SCN8A: variants seen among roughly 807,000 people sequenced by gnomAD.
SCN8A encodes sodium channel protein type 8 subunit alpha.
SCN8A carries 30 observed loss-of-function variants against 184.1 expected under a neutral mutation model. The ratio of observed to expected loss-of-function variants is 0.16; its 90% CI spans 0.12 to 0.22. The LOEUF (loss-of-function observed/expected upper bound fraction) is 0.22, where lower values mean the gene tolerates loss of function less well. Ranked by LOEUF, SCN8A falls within the 10% of genes least tolerant of loss-of-function variation. The pLI is 1.00. For missense variants in SCN8A, 1,057 were observed against 2,498.9 expected, an observed-to-expected ratio of 0.42 and a Z score of 12.30; for synonymous variants, 852 against 907.0, an observed-to-expected ratio of 0.94 and a Z score of 1.09.
chr12:51,628,738 T>C (rs1367332453), intron 1 of SCN8A, among the ~76,000 whole-genome samples: 3 of 152,158 alleles, frequency 2.0e-5, no homozygotes, highest in Admixed American at 6.6e-5. Flanking sequence ...AATAAAGATA[T>C]CTTTCTTATT....
chr12:51,594,638 A>G (rs565438091), intron 1 of SCN8A, among the ~76,000 whole-genome samples: 4 of 152,240 alleles, frequency 2.6e-5, no homozygotes, highest in Admixed American at 6.5e-5. Context: ...GAGTGAGATC[A>G]GTTACCATAA....
chr12:51,662,943 C>T lies in SCN8A; in HGVS notation c.126C>T (p.Gly42=). The T allele has an allele frequency of 6.2e-7, 1 of 1,614,026 alleles. No homozygotes were observed. Among genetic ancestry groups the T allele is most frequent in the South Asian group, 1.1e-5 (1 of 91,080 alleles). Residue 42 remains glycine, a synonymous_variant, in exon 2 of 27, where the codon GGC becomes GGT. Coordinates refer to ENST00000627620, the MANE Select transcript of SCN8A (RefSeq NM_001330260.2). ...TCAAGAAACCACCAAAGGCCGATGG[C>T]AGTCATCGGGAGGACGATGAGGACA... ...SKLKKPPKAD[G]SHREDDEDSK...
At chr12:51,712,700 C>T in intron 11 of SCN8A, 1 of 922,838 alleles carries the variant, frequency 1.1e-6, no homozygotes, top group Non-Finnish European at 1.8e-6. Flanking sequence ...ACCATATCCA[C>T]CACACCACCT....
Position 51,794,499 on chromosome 12 carries a change from G to C in SCN8A, c.4653G>C (p.Glu1551Asp). 1 of 1,614,036 alleles carries C rather than the reference G, an allele frequency of 6.2e-7. No homozygotes were observed. The highest frequency in any genetic ancestry group is 8.5e-7 in the Non-Finnish European group (1 of 1,179,900). Residue 1551 changes from glutamate (E) to aspartate (D), a missense_variant, in exon 26 of 27, where the codon GAG (glutamate) becomes GAC (aspartate). Glu to Asp is a conservative substitution (Grantham distance 45). Around this residue, in one of 19 missense-constraint regions of SCN8A, gnomAD observed 34 missense variants for 64.0 expected, o/e 0.53. Coordinates refer to ENST00000627620, the MANE Select transcript of SCN8A (RefSeq NM_001330260.2). ...CAGACACTCAAAGCAAGCAGATGGAGAACATCCTCTACTGGATTAACCTGG... is the reference window on the plus strand; with the variant it reads ...CAGACACTCAAAGCAAGCAGATGGACAACATCCTCTACTGGATTAACCTGG... ...VETDTQSKQM[E>D]NILYWINLVF...
At chr12:51,794,940 G>A (rs1464455440) in intron 26 of SCN8A, among the ~76,000 whole-genome samples, 1 of 152,126 alleles carries the variant, frequency 6.6e-6, no homozygotes, top group Non-Finnish European at 1.5e-5. Context: ...AACAGGGAAG[G>A]TAAAAGAAAG....
chr12:51,696,433 A>G (rs1279147666), intron 6 of SCN8A, among the ~76,000 whole-genome samples: 2 of 152,242 alleles, frequency 1.3e-5, no homozygotes, highest in South Asian at 2.1e-4. Context: ...ATGAAAATAA[A>G]TTCCATTACA....
Position 51,769,218 on chromosome 12 carries a change from C to A in SCN8A, c.3255C>A (p.Ser1085=). The A allele has an allele frequency of 6.2e-7, 1 of 1,613,994 alleles. No homozygotes were observed. Among genetic ancestry groups the A allele is most frequent in the African/African-American group, 1.3e-5 (1 of 75,050 alleles). Reference sequence around the variant, plus strand: ...ACATCATTGATGAGGACCACATGTCCTTCATCAACAACCCCAACTTGACTG... The same window carrying A: ...ACATCATTGATGAGGACCACATGTCATTCATCAACAACCCCAACTTGACTG... ...EKYIIDEDHM[S]FINNPNLTVR... The change falls in exon 17 of 27, where the codon TCC becomes TCA. Residue 1085 remains serine, a synonymous_variant. Coordinates refer to ENST00000627620, the MANE Select transcript of SCN8A (RefSeq NM_001330260.2).
At chr12:51,751,121 C>T (rs1189387108) in intron 13 of SCN8A, among the ~76,000 whole-genome samples, 1 of 152,100 alleles carries the variant, frequency 6.6e-6, no homozygotes, top group Non-Finnish European at 1.5e-5. Context: ...GCTCGACTCC[C>T]ATAACTGATG....
chr12:51,786,211 ATAT>A (rs1938080837), intron 21 of SCN8A, among the ~76,000 whole-genome samples: 1 of 152,216 alleles, frequency 6.6e-6, no homozygotes, highest in Non-Finnish European at 1.5e-5. Context: ...CCCATTGGGC[ATAT>A]TTTATGAATT....
intron 13 of SCN8A, among the ~76,000 whole-genome samples, chr12:51,750,442 G>A (rs1942578625): frequency 6.6e-6 from 1 of 152,156 alleles, no homozygotes. Flanking sequence ...AAGGGCAAAG[G>A]GGCAAGAAAG....
Position 51,662,652 on chromosome 12 carries a change from A to G in SCN8A, c.-54-112A>G, listed in dbSNP as rs770026105. ...AAATAAGCATGTCATGGAAGAAACT[A>G]TGTGTTTTTTTTGCAAAGGTTGTGA... On this transcript the variant is annotated intron_variant, in intron 1 of 26. Coordinates refer to ENST00000627620, the MANE Select transcript of SCN8A (RefSeq NM_001330260.2). 4 of 652,798 alleles carry G rather than the reference A, an allele frequency of 6.1e-6. 1 individual carries two copies. The highest frequency in any genetic ancestry group is 4.1e-5 in the South Asian group (2 of 48,472). 40.4% of individuals were successfully genotyped at this position (652,798 alleles called of 1,614,324 possible).
In SCN8A at chr12:51,721,695, G is replaced by A. The variant is rs200847507; in HGVS notation, c.1785G>A (p.Glu595=). Residue 595 remains glutamate, a synonymous_variant, in exon 12 of 27, where the codon GAG becomes GAA. Coordinates refer to ENST00000627620, the MANE Select transcript of SCN8A (RefSeq NM_001330260.2). ...DDEHSTVEES[E]GRRDSLFIPI... is the part of the protein sequence containing the mutation. ...AGCACAGCACGGTGGAGGAGAGCGA[G>A]GGCCGCCGGGACTCCCTCTTCATCC... 13 of 1,590,400 alleles carry A rather than the reference G, an allele frequency of 8.2e-6. No homozygotes were observed. The highest frequency in any genetic ancestry group is 1.3e-5 in the African/African-American group (1 of 74,542).
chr12:51,728,798 A>C (rs1275143802), intron 12 of SCN8A, among the ~76,000 whole-genome samples: 1 of 151,424 alleles, frequency 6.6e-6, no homozygotes. Flanking sequence ...AGCTTTCCTT[A>C]ATTTTTGTTC....
At chr12:51,608,445 A>G (rs1939647157) in intron 1 of SCN8A, among the ~76,000 whole-genome samples, 1 of 152,008 alleles carries the variant, frequency 6.6e-6, no homozygotes, top group African/African-American at 2.4e-5. Flanking sequence ...AGGGTATCCT[A>G]ATTCTTCCTG....
intron 7 of SCN8A, among the ~76,000 whole-genome samples, chr12:51,700,293 C>G (rs1406600414): frequency 6.6e-6 from 1 of 152,064 alleles, no homozygotes; most frequent in Admixed American, 6.5e-5. Context: ...AGCTCTCAAA[C>G]ATCAGCCCTC....
intron 1 of SCN8A, among the ~76,000 whole-genome samples, chr12:51,641,638 C>T (rs182982069): frequency 3.3e-5 from 5 of 152,204 alleles, no homozygotes; most frequent in Non-Finnish European, 5.9e-5. Flanking sequence ...GAGATAGTGT[C>T]TCCTGTAGGC....
Position 51,807,492 on chromosome 12 carries a change from C to A in SCN8A, c.*63C>A, listed in dbSNP as rs1327415548. ...TCGCAAGTGAAAGATTGTTTACAAA[C>A]TTCCTGAATATTATCAATGCAGAAC... On this transcript the variant is annotated 3_prime_UTR_variant, in exon 27 of 27. Transcript: ENST00000627620. The surrounding 1 kb of genome is among the most constrained non-coding windows in gnomAD (Gnocchi z 4.5). 23 of 1,492,714 alleles carry A rather than the reference C, an allele frequency of 1.5e-5. No individual in the cohort carries two copies. The highest frequency in any genetic ancestry group is 1.5e-4 in the African/African-American group (11 of 72,010). The allele number at this position is 1,492,714 out of a possible 1,614,324, so 92.5% of individuals were successfully genotyped here.
intron 25 of SCN8A, among the ~76,000 whole-genome samples, chr12:51,792,480 C>T (rs1414536610): frequency 9.8e-6 from 1 of 102,194 alleles, no homozygotes; most frequent in Non-Finnish European, 1.9e-5. Context: ...GACAGCGAGA[C>T]CCTATCTCAA....
chr12:51,683,201 A>G (rs1941364833), intron 2 of SCN8A, among the ~76,000 whole-genome samples: 1 of 152,232 alleles, frequency 6.6e-6, no homozygotes. Flanking sequence ...CTAAAAGTAC[A>G]GTTTTATTCA....
Sources: gnomAD v4.1 joint callset for allele counts (sites outside exome capture counted in the v4.1 genomes callset) on GRCh38, gnomAD v4.1.1 for gene constraint, gnomAD v4.1.1 regional missense constraint, Gnocchi (gnomAD v3.1) non-coding constraint, MANE v1.5 for transcripts, NCBI Gene and HGNC (gene_info 2026-07-23, HGNC 2026-07-21) for gene names.